CFAP20DC: variants seen among roughly 807,000 people sequenced by gnomAD.
CFAP20DC encodes the protein protein CFAP20DC.
In CFAP20DC, 84 loss-of-function variants were observed where a neutral mutation model predicts 101.7. The ratio of observed to expected loss-of-function variants is 0.83; its 90% CI spans 0.69 to 0.99. CFAP20DC has a LOEUF of 0.99. Among genes scored for constraint, CFAP20DC ranks in the 50% least tolerant of loss-of-function variants. The probability of loss-of-function intolerance (pLI) is 0.00; values close to 1 mark genes in which losing one functional copy is unlikely to be tolerated. For missense variants in CFAP20DC, 1,007 were observed against 970.3 expected (o/e 1.04, Z -0.50); for synonymous variants, 359 against 351.2 (o/e 1.02, Z -0.25).
chr3:58,995,304 GAAC>G (rs1470518563), intron 4 of CFAP20DC, among the ~76,000 whole-genome samples: 2 of 149,464 alleles, frequency 1.3e-5, no homozygotes, highest in African/African-American at 4.9e-5. Context: ...AAAATTCCCA[GAAC>G]AACCACTGGC....
chr3:58,842,718 G>T (rs945092253), intron 13 of CFAP20DC, among the ~76,000 whole-genome samples: 5 of 152,220 alleles, frequency 3.3e-5, no homozygotes, highest in African/African-American at 1.2e-4. Flanking sequence ...GCAGGGCACA[G>T]ACAAACAAAA....
Position 59,049,624 on chromosome 3 carries a change from T to C in CFAP20DC, c.8A>G (p.Lys3Arg). ...GTTTCGGGTTACCTGGTACTCATTT[T>C]TGAACATTCCCGCAGGGGGCCCAGG... MF[K>R]NEYQGGAFVE... Residue 3 changes from lysine (K) to arginine (R), a missense_variant, in exon 1 of 17, where the codon AAA (lysine) becomes AGA (arginine). Physicochemically the swap from Lys to Arg is conservative, Grantham distance 26. Transcript: ENST00000482387. The C allele has an allele frequency of 6.5e-7, 1 of 1,536,178 alleles. No individual in the cohort carries two copies. Among genetic ancestry groups the C allele is most frequent in the South Asian group, 1.2e-5 (1 of 84,062 alleles).
rs548939874 is a variant in CFAP20DC at position 58,971,856 on chromosome 3, C to T, written c.279-34094G>A. Among the ~76,000 whole-genome samples, 312 of 144,708 alleles carry T rather than the reference C, an allele frequency of 2.2e-3. No individual in the cohort carries two copies. The highest frequency in any genetic ancestry group is 7.3e-3 in the African/African-American group (266 of 36,440). 94.9% of individuals were successfully genotyped at this position (144,708 alleles called of 152,430 possible). A position where few individuals can be genotyped will look rare whatever the true frequency, so the allele number is the denominator to read the frequency against. ...AAAAAGGACTGTAATATCATACACACGCACACATACACACACACACACACA... is the reference window on the plus strand; with the variant it reads ...AAAAAGGACTGTAATATCATACACATGCACACATACACACACACACACACA... On this transcript the variant is annotated intron_variant, in intron 4 of 16. Transcript: ENST00000482387. The surrounding 1 kb of genome is among the most constrained non-coding windows in gnomAD (Gnocchi z 4.1).
rs909983646 is a variant in CFAP20DC, at chr3:58,862,496, G to C, written c.1593+1062C>G. On this transcript the variant is annotated intron_variant, in intron 12 of 16. Transcript: ENST00000482387. ...ACTAATTGTTTCATGACACTCAGAA[G>C]CAAGAATATTGTGAAAAGACGATCC... The C allele has an allele frequency of 4.2e-5, 41 of 985,292 alleles. No homozygotes were observed. In the South Asian group the frequency reaches 1.1e-3, roughly 26 times the overall value. 61.0% of individuals were successfully genotyped at this position (985,292 alleles called of 1,614,324 possible).
chr3:58,901,313 A>G (rs2083124013), intron 6 of CFAP20DC, among the ~76,000 whole-genome samples: 1 of 152,238 alleles, frequency 6.6e-6, no homozygotes, highest in Non-Finnish European at 1.5e-5. Flanking sequence ...AACATTAAGA[A>G]GCAGTATATT....
chr3:58,834,324 T>C (rs1377678063), intron 13 of CFAP20DC, among the ~76,000 whole-genome samples: 2 of 152,176 alleles, frequency 1.3e-5, no homozygotes, highest in Non-Finnish European at 2.9e-5. Context: ...GGTCAAGAAG[T>C]GGGATTAAGC....
intron 6 of CFAP20DC, among the ~76,000 whole-genome samples, chr3:58,888,181 A>C (rs1478939962): frequency 1.3e-5 from 2 of 152,244 alleles, no homozygotes; most frequent in Non-Finnish European, 2.9e-5. Flanking sequence ...CCCTACATAA[A>C]CATTAAATAG....
In CFAP20DC at chr3:58,753,955, A is replaced by G. The variant is rs2068748219; in HGVS notation, c.2238-92T>C. 25 of 775,582 alleles carry G rather than the reference A, an allele frequency of 3.2e-5. No homozygotes were observed. In the South Asian group the frequency reaches 4.7e-4, roughly 14 times the overall value. The allele number at this position is 775,582 out of a possible 1,614,324, so 48.0% of individuals were successfully genotyped here. A position where few individuals can be genotyped will look rare whatever the true frequency, so the allele number is the denominator to read the frequency against. ...ATTTTCAGTTCCTTGGGGCTTCCAA[A>G]AAGAAACACTTTTTTTCCTCCTTCA... On this transcript the variant is annotated intron_variant, in intron 15 of 16. Transcript: ENST00000482387.
At chr3:58,803,129 A>C (rs1027171521) in intron 15 of CFAP20DC, among the ~76,000 whole-genome samples, 3 of 152,202 alleles carry the variant, frequency 2.0e-5, no homozygotes, top group African/African-American at 7.2e-5. Context: ...GGTCTCTGGA[A>C]TAGTTGCAGA....
At chr3:58,896,958 T>G (rs982136144) in intron 6 of CFAP20DC, among the ~76,000 whole-genome samples, 1 of 152,202 alleles carries the variant, frequency 6.6e-6, no homozygotes, top group Non-Finnish European at 1.5e-5. Flanking sequence ...TTTGCTTTGA[T>G]GATCTGTCTA....
At chr3:58,824,937 A>G (rs1052935262) in intron 14 of CFAP20DC, among the ~76,000 whole-genome samples, 3 of 151,978 alleles carry the variant, frequency 2.0e-5, no homozygotes, top group Non-Finnish European at 4.4e-5. Flanking sequence ...CTGGGAATAC[A>G]GACCTGTGCC....
At chr3:58,995,975 A>AATCAATCTATCTATCTATCTATCTATCT (rs370222448) in intron 4 of CFAP20DC, among the ~76,000 whole-genome samples, 1 of 145,160 alleles carries the variant, frequency 6.9e-6, no homozygotes. Flanking sequence ...CTGTATAATA[A>AATCAATCTATCTATCTATCTATCTATCT]ATCTATCTAT....
chr3:58,933,570 G>A (rs1576369373), intron 5 of CFAP20DC, among the ~76,000 whole-genome samples: 2 of 152,160 alleles, frequency 1.3e-5, no homozygotes, highest in African/African-American at 2.4e-5. Context: ...ATAACAAACT[G>A]TCTCTCAGAC....
intron 15 of CFAP20DC, among the ~76,000 whole-genome samples, chr3:58,798,537 T>C (rs2073425860): frequency 1.3e-5 from 2 of 152,242 alleles, no homozygotes; most frequent in Non-Finnish European, 2.9e-5. Flanking sequence ...ACACTAGTTG[T>C]AATGACAACA....
intron 15 of CFAP20DC, among the ~76,000 whole-genome samples, chr3:58,782,633 T>A (rs1405421228): frequency 6.6e-6 from 1 of 151,876 alleles, no homozygotes; most frequent in Non-Finnish European, 1.5e-5. Flanking sequence ...ACACCAATAA[T>A]GAACTAGCTA....
chr3:58,935,461 G>A lies in CFAP20DC; in HGVS notation c.393+2187C>T, dbSNP rs1322987985. ...ATGGAACCAAAAAAGAGCCCGCATC[G>A]CCAAGTCAATCCTAAGCCAAAAGAA... On this transcript the variant is annotated intron_variant, in intron 5 of 16. Coordinates refer to ENST00000482387, the MANE Select transcript of CFAP20DC (RefSeq NM_001394063.1). 9.2e-5 allele frequency among the ~76,000 whole-genome samples: 14 copies of A among 151,892 alleles called. 1 individual carries two copies. Among genetic ancestry groups the A allele is most frequent in the East Asian group, 3.9e-4 (2 of 5,172 alleles).
chr3:58,743,305 T>C (rs1249661769), intron 16 of CFAP20DC, among the ~76,000 whole-genome samples: 1 of 152,168 alleles, frequency 6.6e-6, no homozygotes, highest in Non-Finnish European at 1.5e-5. Context: ...CAAAGATGTT[T>C]CCTGAGCACC....
At chr3:58,860,676 A>C (rs534605047) in intron 12 of CFAP20DC, among the ~76,000 whole-genome samples, 11 of 152,350 alleles carry the variant, frequency 7.2e-5, no homozygotes, top group African/African-American at 2.6e-4. Flanking sequence ...CATAAGGCTA[A>C]TGATTTCAAG....
intron 15 of CFAP20DC, among the ~76,000 whole-genome samples, chr3:58,790,050 T>C (rs2072720134): frequency 6.6e-6 from 1 of 152,180 alleles, no homozygotes; most frequent in Non-Finnish European, 1.5e-5. Flanking sequence ...TTCTTATTAA[T>C]ATTGATGTGT....
Sources: allele counts gnomAD v4.1 joint callset (sites outside exome capture counted in the v4.1 genomes callset), GRCh38; gene constraint gnomAD v4.1.1; non-coding constraint Gnocchi (gnomAD v3.1); transcripts MANE v1.5; gene names NCBI Gene and HGNC (gene_info 2026-07-23, HGNC 2026-07-21).